The following RBFOX1 variants were observed in gnomAD, a reference collection of about 807,000 sequenced individuals.
The protein encoded by RBFOX1 is RNA binding fox-1 homolog 1, also known as RNA binding protein fox-1 homolog 1.
Under a neutral mutation model 57.7 loss-of-function variants are expected in RBFOX1, and 8 were observed. The ratio of observed to expected loss-of-function variants is 0.14; its 90% confidence interval spans 0.08 to 0.25. RBFOX1 has a LOEUF of 0.25. Among genes scored for constraint, RBFOX1 ranks in the 10% least tolerant of loss-of-function variants. RBFOX1 has a pLI of 1.00. For missense variants in RBFOX1, 611 were observed against 548.5 expected (o/e 1.11, Z -1.14); for synonymous variants, 326 against 222.4 (o/e 1.47, Z -4.15).
At chr16:6,729,603 T>G (rs1451554239) in intron 3 of RBFOX1, among the ~76,000 whole-genome samples, 1 of 152,154 alleles carries the variant, frequency 6.6e-6, no homozygotes, top group Non-Finnish European at 1.5e-5. Context: ...GGAAATGGGC[T>G]TCTAAAGGGT....
chr16:7,322,307 T>A (rs1378091092), intron 4 of RBFOX1, among the ~76,000 whole-genome samples: 1 of 152,248 alleles, frequency 6.6e-6, no homozygotes, highest in African/African-American at 2.4e-5. Context: ...TTTGACCTTC[T>A]TGCCACCTTG....
intron 3 of RBFOX1, among the ~76,000 whole-genome samples, chr16:6,756,591 CAAGG>C (rs2075821825): frequency 6.6e-6 from 1 of 152,066 alleles, no homozygotes; most frequent in South Asian, 2.1e-4. Flanking sequence ...GAATATATGA[CAAGG>C]AACACAGTCA....
intron 3 of RBFOX1, among the ~76,000 whole-genome samples, chr16:6,833,959 A>T (rs1331009705): frequency 1.3e-5 from 2 of 152,202 alleles, no homozygotes; most frequent in African/African-American, 4.8e-5. Context: ...GGCTAGAGAC[A>T]TCAGCCTTGG....
chr16:7,386,329 C>A (rs1408301673), intron 4 of RBFOX1, among the ~76,000 whole-genome samples: 1 of 152,074 alleles, frequency 6.6e-6, no homozygotes, highest in Non-Finnish European at 1.5e-5. Flanking sequence ...GGTTGCTGCA[C>A]CCATCACCCC....
At chr16:7,356,298 A>G (rs955608228) in intron 4 of RBFOX1, among the ~76,000 whole-genome samples, 2 of 152,274 alleles carry the variant, frequency 1.3e-5, no homozygotes, top group East Asian at 3.9e-4. Flanking sequence ...ATCGTTATAG[A>G]TCTAAGCAAC....
intron 2 of RBFOX1, among the ~76,000 whole-genome samples, chr16:6,555,593 A>C (rs2080278): frequency 6.6e-6 from 1 of 151,796 alleles, no homozygotes; most frequent in Non-Finnish European, 1.5e-5. Flanking sequence ...CCAGCTACTC[A>C]GGAGGCTGAG....
intron 2 of RBFOX1, among the ~76,000 whole-genome samples, chr16:6,503,627 C>T (rs1052770767): frequency 6.6e-6 from 1 of 152,164 alleles, no homozygotes; most frequent in Admixed American, 6.5e-5. Flanking sequence ...GCTTGGTCAG[C>T]AAGCTAACTT....
chr16:6,900,668 A>G (rs1180408878), intron 3 of RBFOX1, among the ~76,000 whole-genome samples: 1 of 152,144 alleles, frequency 6.6e-6, no homozygotes, highest in Non-Finnish European at 1.5e-5. Context: ...CGTCCCACCA[A>G]CATCACTATT....
chr16:5,295,943 C>T (rs1018126257), intron 1 of RBFOX1, among the ~76,000 whole-genome samples: 4 of 152,160 alleles, frequency 2.6e-5, no homozygotes, highest in Admixed American at 2.0e-4. Context: ...ATGAATGCCC[C>T]TTATCAGAGA....
At chr16:5,397,977 AT>A (rs921610451) in intron 1 of RBFOX1, among the ~76,000 whole-genome samples, 1 of 152,238 alleles carries the variant, frequency 6.6e-6, no homozygotes, top group African/African-American at 2.4e-5. Flanking sequence ...GAGCTCATGG[AT>A]TGGTGGAAGA....
intron 4 of RBFOX1, among the ~76,000 whole-genome samples, chr16:7,341,170 C>G (rs777136152): frequency 3.3e-5 from 5 of 152,142 alleles, no homozygotes; most frequent in Non-Finnish European, 5.9e-5. Flanking sequence ...ATCCCACCAG[C>G]TTGCAAGGAG....
chr16:7,481,955 T>C (rs1401009064), intron 4 of RBFOX1, among the ~76,000 whole-genome samples: 1 of 152,346 alleles, frequency 6.6e-6, no homozygotes, highest in Middle Eastern at 3.4e-3. Context: ...ACAGTATGGT[T>C]ATTATGAGAA....
At chr16:5,548,173 AAATATATAT>A (rs1489263407) in intron 2 of RBFOX1, among the ~76,000 whole-genome samples, 666 of 33,402 alleles carry the variant, frequency 0.02, 8 homozygotes, top group East Asian at 0.18. Flanking sequence ...AAAAAAAAAA[AAATATATAT>A]ATATATATAT....
chr16:6,344,286 A>G (rs948210528), intron 2 of RBFOX1, among the ~76,000 whole-genome samples: 1 of 151,970 alleles, frequency 6.6e-6, no homozygotes, highest in Non-Finnish European at 1.5e-5. Flanking sequence ...CTGAGCCTCA[A>G]GTGATCCACC....
intron 4 of RBFOX1, among the ~76,000 whole-genome samples, chr16:5,868,646 T>G (rs2151898923): frequency 1.3e-5 from 2 of 152,324 alleles, no homozygotes; most frequent in Middle Eastern, 6.8e-3. Context: ...ATTCATAGTG[T>G]GAGTGATTTC....
chr16:6,260,005 C>T (rs770367005), intron 1 of RBFOX1, among the ~76,000 whole-genome samples: 1 of 150,864 alleles, frequency 6.6e-6, no homozygotes, highest in Non-Finnish European at 1.5e-5. Context: ...TTCCCACTTT[C>T]AAATCTCTGC....
At chr16:6,581,816 C>G (rs2097540871) in intron 2 of RBFOX1, among the ~76,000 whole-genome samples, 1 of 152,210 alleles carries the variant, frequency 6.6e-6, no homozygotes, top group Non-Finnish European at 1.5e-5. Flanking sequence ...AGATTCTTAG[C>G]TTTGGTGTTA....
chr16:6,229,974 A>G (rs1438492394), intron 1 of RBFOX1, among the ~76,000 whole-genome samples: 2 of 152,166 alleles, frequency 1.3e-5, no homozygotes, highest in African/African-American at 4.8e-5. Context: ...CCTTTTGTGC[A>G]TTCAGTACAC....
At chr16:5,244,496 C>A (rs1053040839) in intron 1 of RBFOX1, among the ~76,000 whole-genome samples, 1 of 152,338 alleles carries the variant, frequency 6.6e-6, no homozygotes, top group East Asian at 1.9e-4. Context: ...AGAGCCGACT[C>A]CCTGAGATAG....
Sources: gnomAD v4.1 joint callset for allele counts (sites outside exome capture counted in the v4.1 genomes callset) on GRCh38, gnomAD v4.1.1 for gene constraint, MANE v1.5 for transcripts, NCBI Gene and HGNC (gene_info 2026-07-23, HGNC 2026-07-21) for gene names.